The following KIF6 variants were observed in gnomAD, a reference collection of about 807,000 sequenced individuals.
KIF6 encodes the protein kinesin-like protein KIF6.
In KIF6, 106 loss-of-function variants were observed where a neutral mutation model predicts 112.7. That is an observed-to-expected ratio of 0.94 (90% CI 0.80 to 1.11). KIF6 has a LOEUF of 1.11. KIF6 is among the 50% of genes least tolerant of loss of function. The pLI, the probability that KIF6 is intolerant of heterozygous loss-of-function variation, is 0.00. For synonymous variants in KIF6, 339 were observed against 339.9 expected (o/e 1.00, Z 0.03); for missense variants, 929 against 964.0 (o/e 0.96, Z 0.48).
chr6:39,659,991 A>G (rs964147451), intron 3 of KIF6, among the ~76,000 whole-genome samples: 1 of 152,160 alleles, frequency 6.6e-6, no homozygotes, highest in African/African-American at 2.4e-5. Flanking sequence ...ATAAGTTTAT[A>G]TATGTAGTAT....
At position 39,332,681 on chromosome 6, in the gene KIF6, C is replaced by G. The variant is rs895783106; in HGVS notation, c.*3851G>C. 2 of 152,214 alleles carry G rather than the reference C, an allele frequency of 1.3e-5. No individual in the cohort carries two copies. The highest frequency in any genetic ancestry group is 2.9e-5 in the Non-Finnish European group (2 of 68,050). The allele number at this position is 152,214 out of a possible 1,614,324, so 9.4% of individuals were successfully genotyped here. On this transcript the variant is annotated 3_prime_UTR_variant, in exon 23 of 23. Coordinates refer to ENST00000287152, the MANE Select transcript of KIF6 (RefSeq NM_145027.6). The stretch of plus-strand genomic sequence containing the variant: ...CCTGCTTCCTCCTGGTGGTTCTTTC[C>G]CCTGCCTTGGGTAATTTCTTCACAT...
At position 39,337,172 on chromosome 6, in the gene KIF6, CTTCTTTCTTTCT is replaced by C. The variant is rs71543959; in HGVS notation, c.2429-636_2429-625del. Among the ~76,000 whole-genome samples the C allele has an allele frequency of 2.0e-3, 120 of 59,508 alleles. 1 individual carries two copies. Among genetic ancestry groups the C allele is most frequent in the Admixed American group, 3.9e-3 (20 of 5,072 alleles). 39.0% of individuals were successfully genotyped at this position (59,508 alleles called of 152,430 possible). ...TCTCTTTCTTTTCTTTCTTTCCTTC[CTTCTTTCTTTCT>C]TTCTTTCTTTCTTTCTTTCTTTCTT... On this transcript the variant is annotated intron_variant, in intron 22 of 22. Transcript: ENST00000287152.
rs1278431027 is a variant in KIF6, at chr6:39,555,431, C to G, written c.1182-9743G>C. On this transcript the variant is annotated intron_variant, in intron 10 of 22. Transcript: ENST00000287152. ...CTCTGGCCTTACGGCTCCTCCTGGA[C>G]CTCTTGTGTATGCTACCCTGCTGGG... 2.0e-5 allele frequency among the ~76,000 whole-genome samples: 3 copies of G among 152,174 alleles called. No individual in the cohort carries two copies. In the East Asian group the frequency reaches 5.8e-4, roughly 30 times the overall value.
At chr6:39,423,160 A>C (rs980546252) in intron 14 of KIF6, among the ~76,000 whole-genome samples, 1 of 152,166 alleles carries the variant, frequency 6.6e-6, no homozygotes. Flanking sequence ...TCACCTGCAC[A>C]CAAAATCCTG....
At chr6:39,448,554 T>C (rs1772484763) in intron 13 of KIF6, among the ~76,000 whole-genome samples, 3 of 152,206 alleles carry the variant, frequency 2.0e-5, no homozygotes, top group Non-Finnish European at 4.4e-5. Flanking sequence ...CTGACCAATA[T>C]GCAGTCGGTG....
chr6:39,679,396 G>A (rs548164216), intron 3 of KIF6, among the ~76,000 whole-genome samples: 5 of 152,222 alleles, frequency 3.3e-5, no homozygotes, highest in East Asian at 1.9e-4. Flanking sequence ...GAAATGGAAC[G>A]GTGGGGGACA....
chr6:39,681,768 AT>A (rs1372990185), intron 3 of KIF6, among the ~76,000 whole-genome samples: 1 of 152,204 alleles, frequency 6.6e-6, no homozygotes, highest in East Asian at 1.9e-4. Flanking sequence ...TGGAAATGCA[AT>A]TTCTGGCCCT....
In KIF6 at chr6:39,522,906, C is replaced by T. The variant is rs79274244; in HGVS notation, c.1645+17097G>A. ...TTCTCCTTATGAAATGAAACTATAA[C>T]TGAGGCAGTTTCAAGCCTTGGACCC... On this transcript the variant is annotated intron_variant, in intron 13 of 22. Transcript: ENST00000287152. Among the ~76,000 whole-genome samples, 667 of 152,298 alleles carry T rather than the reference C, an allele frequency of 4.4e-3. 2 individuals carry two copies. Among genetic ancestry groups the T allele is most frequent in the South Asian group, 0.017 (80 of 4,826 alleles).
intron 10 of KIF6, among the ~76,000 whole-genome samples, chr6:39,555,262 G>A (rs73732138): frequency 0.24 from 36,789 of 151,976 alleles, 5,387 homozygotes; most frequent in African/African-American, 0.39. Context: ...TAGTGGCACA[G>A]AACCTAGGAC....
intron 17 of KIF6, 59 bp downstream of exon 17, chr6:39,362,363 GGAAGCTCCAGGA>G: frequency 8.6e-7 from 1 of 1,161,424 alleles, no homozygotes; most frequent in Non-Finnish European, 1.3e-6. Flanking sequence ...TGCAGCCCTG[GGAAGCTCCAGGA>G]CGACACTGAG....
chr6:39,589,715 C>T (rs899311455), intron 7 of KIF6, among the ~76,000 whole-genome samples: 19 of 152,120 alleles, frequency 1.2e-4, no homozygotes, highest in Admixed American at 1.1e-3. Flanking sequence ...TCTTCTGAGG[C>T]AGTTGCAGGG....
rs1255112526 is a variant in KIF6 at position 39,343,248 on chromosome 6, G to A, written c.2428+461C>T. The stretch of plus-strand genomic sequence containing the variant: ...CCTCTGTGATTGTTATGGTGTCCTC[G>A]GGCCTGGGCCTTCAAGCAGTGTTTA... On this transcript the variant is annotated intron_variant, in intron 22 of 22. Transcript: ENST00000287152. The surrounding 1 kb of genome is among the most constrained non-coding windows in gnomAD (Gnocchi z 4.1). 3.9e-6 allele frequency: 5 copies of A among 1,268,818 alleles called. No homozygotes were observed. The highest frequency in any genetic ancestry group is 1.3e-5 in the South Asian group (1 of 76,608). The allele number at this position is 1,268,818 out of a possible 1,614,324, so 78.6% of individuals were successfully genotyped here. A position where few individuals can be genotyped will look rare whatever the true frequency, so the allele number is the denominator to read the frequency against.
At chr6:39,640,396 A>T (rs141471839) in intron 3 of KIF6, among the ~76,000 whole-genome samples, 207 of 152,238 alleles carry the variant, frequency 1.4e-3, no homozygotes, top group African/African-American at 4.7e-3. Flanking sequence ...CACCTGTAAT[A>T]TAAGCTTTTA....
chr6:39,564,010 T>C (rs1306901645), intron 10 of KIF6, among the ~76,000 whole-genome samples: 1 of 152,198 alleles, frequency 6.6e-6, no homozygotes, highest in East Asian at 1.9e-4. Context: ...TAAGAAAAAG[T>C]GGCACGCAGG....
chr6:39,645,594 C>T (rs1561893221), intron 3 of KIF6, among the ~76,000 whole-genome samples: 1 of 152,048 alleles, frequency 6.6e-6, no homozygotes, highest in Non-Finnish European at 1.5e-5. Context: ...CGATGTTCAT[C>T]AGGGATATTG....
At chr6:39,506,903 G>T (rs1776455253) in intron 13 of KIF6, among the ~76,000 whole-genome samples, 2 of 152,178 alleles carry the variant, frequency 1.3e-5, no homozygotes, top group Non-Finnish European at 2.9e-5. Context: ...TCAAGGTGCT[G>T]GGAGGGCAGT....
At chr6:39,613,103 T>C (rs1783304808) in intron 6 of KIF6, 86 bp downstream of exon 6, 1 of 1,115,212 alleles carries the variant, frequency 9.0e-7, no homozygotes. Context: ...CCTAAACTTC[T>C]ATTATATCTT....
intron 7 of KIF6, among the ~76,000 whole-genome samples, chr6:39,590,483 C>T (rs1370574265): frequency 7.8e-6 from 1 of 128,952 alleles, no homozygotes; most frequent in Non-Finnish European, 1.6e-5. Context: ...GGAGGTTTCA[C>T]TCTTGTTGCC....
chr6:39,442,032 C>G (rs1459883249), intron 13 of KIF6, among the ~76,000 whole-genome samples: 3 of 152,144 alleles, frequency 2.0e-5, no homozygotes. Context: ...ATGGTGGCAC[C>G]ACATCTAAAT....
Sources: gnomAD v4.1 joint callset for allele counts (sites outside exome capture counted in the v4.1 genomes callset) on GRCh38, gnomAD v4.1.1 for gene constraint, Gnocchi (gnomAD v3.1) non-coding constraint, MANE v1.5 for transcripts, NCBI Gene and HGNC (gene_info 2026-07-23, HGNC 2026-07-21) for gene names.